COQ7: variants seen among roughly 807,000 people sequenced by gnomAD.
The protein encoded by COQ7 is NADPH-dependent 3-demethoxyubiquinone 3-hydroxylase, mitochondrial.
A neutral mutation model predicts 25.0 loss-of-function variants in COQ7; 21 were observed. The ratio of observed to expected loss-of-function variants is 0.84; its 90% CI spans 0.60 to 1.21. COQ7 has a LOEUF of 1.21. Among genes scored for constraint, COQ7 ranks in the 50% most tolerant of loss-of-function variants. The pLI is 0.00. For missense variants in COQ7, 311 were observed against 296.2 expected, an observed-to-expected ratio of 1.05 and a Z score of -0.37; for synonymous variants, 125 against 112.4, an observed-to-expected ratio of 1.11 and a Z score of -0.71.
chr16:19,077,729 G>A (rs1323321396), intron 5 of COQ7, among the ~76,000 whole-genome samples: 1 of 151,654 alleles, frequency 6.6e-6, no homozygotes, highest in African/African-American at 2.4e-5. Context: ...GGGATGACAG[G>A]TGCATGCCAC....
chr16:19,081,192 G>C (rs1000420881), downstream of COQ7, among the ~76,000 whole-genome samples: 12 of 152,192 alleles, frequency 7.9e-5, no homozygotes, highest in African/African-American at 2.7e-4. Flanking sequence ...AAAATTTGGA[G>C]TGTATTTGTT....
chr16:19,068,638 C>G (rs1336147771), intron 1 of COQ7: 1 of 250,512 alleles, frequency 4.0e-6, no homozygotes, highest in Non-Finnish European at 7.7e-6. Flanking sequence ...GGCGTCAGAG[C>G]GAGACTTTGT....
At chr16:19,069,786 C>CT (rs1567539135) in intron 1 of COQ7, among the ~76,000 whole-genome samples, 1 of 151,092 alleles carries the variant, frequency 6.6e-6, no homozygotes, top group African/African-American at 2.4e-5. Flanking sequence ...TTTTATGCTT[C>CT]TTTTTTTCTT....
chr16:19,069,999 G>C (rs921607455), intron 1 of COQ7, among the ~76,000 whole-genome samples: 4 of 151,838 alleles, frequency 2.6e-5, no homozygotes, highest in African/African-American at 9.7e-5. Context: ...GGCCAGGCTG[G>C]TCTTGAACTC....
Position 19,067,967 on chromosome 16 carries a change from G to A in COQ7, c.73+230G>A, listed in dbSNP as rs944518153. 13 of 1,419,924 alleles carry A rather than the reference G, an allele frequency of 9.2e-6. No individual in the cohort carries two copies. In the African/African-American group the frequency reaches 1.9e-4, roughly 21 times the overall value. The allele number at this position is 1,419,924 out of a possible 1,614,324, so 88.0% of individuals were successfully genotyped here. ...GGGTTGTTTCGGCAGTGACGCCTGG[G>A]GAGTGACGCAATTGCACCCCTGTGC... is the stretch of plus-strand genomic sequence containing the variant. On this transcript the variant is annotated intron_variant, in intron 1 of 5. Transcript: ENST00000321998.
rs763059042 is a variant in COQ7, at chr16:19,067,681, C to T, written c.17C>T (p.Ala6Val). Residue 6 changes from alanine (A) to valine (V), a missense_variant, in exon 1 of 6, where the codon GCG becomes GTG. Ala to Val is a moderately conservative substitution (Grantham distance 64). Transcript: ENST00000321998. ...GTTCCGGCAATGAGTTGCGCCGGGG[C>T]GGCGGCGGCTCCCCGCCTTTGGCGG... MSCAG[A>V]AAAPRLWRLR... 8 of 1,610,350 alleles carry T rather than the reference C, an allele frequency of 5.0e-6. No homozygotes were observed. Among genetic ancestry groups the T allele is most frequent in the Admixed American group, 1.7e-5 (1 of 59,512 alleles).
intron 1 of COQ7, among the ~76,000 whole-genome samples, chr16:19,071,075 A>G (rs545450863): frequency 4.6e-5 from 7 of 152,294 alleles, no homozygotes; most frequent in South Asian, 2.1e-4. Context: ...CTCCAAGGCT[A>G]GTCTCAAAAT....
Position 19,073,990 on chromosome 16 carries a change from C to A in COQ7, c.322C>A (p.Pro108Thr), listed in dbSNP as rs1962700540. 1 of 1,613,402 alleles carries A rather than the reference C, an allele frequency of 6.2e-7. No individual in the cohort carries two copies. The highest frequency in any genetic ancestry group is 1.1e-5 in the South Asian group (1 of 91,032). ...NELMVTFRVR[P>T]TVLMPLWNVL... ...GTTGATGGTTACGTTCAGGGTCCGG[C>A]CAACAGTTCTGATGCCCTTGTGGAA... The change falls in exon 3 of 6, where the codon CCA (proline) becomes ACA (threonine). Residue 108 changes from proline to threonine, a missense_variant. Physicochemically the swap from Pro to Thr is conservative, Grantham distance 38. Coordinates refer to ENST00000321998, the MANE Select transcript of COQ7 (RefSeq NM_016138.5).
At position 19,073,977 on chromosome 16, in the gene COQ7, G is replaced by T; in HGVS notation, c.309G>T (p.Thr103=). The T allele has an allele frequency of 6.2e-7, 1 of 1,613,820 alleles. No homozygotes were observed. Among genetic ancestry groups the T allele is most frequent in the Non-Finnish European group, 8.5e-7 (1 of 1,179,970 alleles). The change falls in exon 3 of 6, where the codon ACG becomes ACT. Residue 103 remains threonine (T), a synonymous_variant. Transcript: ENST00000321998. Reference sequence around the variant, plus strand: ...AAAAGTTCAATGAGTTGATGGTTACGTTCAGGGTCCGGCCAACAGTTCTGA... The same window carrying T: ...AAAAGTTCAATGAGTTGATGGTTACTTTCAGGGTCCGGCCAACAGTTCTGA... The part of the protein sequence containing the change: ...HLKKFNELMV[T]FRVRPTVLMP...
chr16:19,077,190 G>C, intron 4 of COQ7, 116 bp from the exon 5 acceptor site: 1 of 833,058 alleles, frequency 1.2e-6, no homozygotes, highest in South Asian at 1.5e-5. Flanking sequence ...GCCCTTTAGA[G>C]GAAAAGCTGG....
At chr16:19,075,306 G>A (rs979974874) in intron 3 of COQ7, among the ~76,000 whole-genome samples, 11 of 150,644 alleles carry the variant, frequency 7.3e-5, no homozygotes, top group East Asian at 2.0e-4. Context: ...GGCTTCAAGC[G>A]ATTTTCCTGC....
intron 1 of COQ7, 143 bp downstream of exon 1, chr16:19,067,880 C>G: frequency 6.7e-7 from 1 of 1,494,822 alleles, no homozygotes; most frequent in Non-Finnish European, 8.8e-7. Flanking sequence ...TGACTTCGGC[C>G]TCCGGGGCGC....
At chr16:19,073,353 T>G (rs1962665034) in intron 2 of COQ7, among the ~76,000 whole-genome samples, 1 of 151,220 alleles carries the variant, frequency 6.6e-6, no homozygotes, top group Admixed American at 6.6e-5. Context: ...ATTAGCCAGG[T>G]GTAGTGGCAT....
chr16:19,074,820 C>T (rs1026128245), intron 3 of COQ7, among the ~76,000 whole-genome samples: 1 of 152,074 alleles, frequency 6.6e-6, no homozygotes, highest in African/African-American at 2.4e-5. Flanking sequence ...GCTAGGATTA[C>T]AGGCGTGAGG....
intron 5 of COQ7, among the ~76,000 whole-genome samples, chr16:19,077,603 T>TTTTTTTTTTTTTTTC: frequency 7.0e-6 from 1 of 142,334 alleles, no homozygotes; most frequent in Non-Finnish European, 1.5e-5. Context: ...TTTTTTTTTT[T>TTTTTTTTTTTTTTTC]TCCCAGACAC....
chr16:19,067,822 G>A (rs1249242561), intron 1 of COQ7, 85 bp downstream of exon 1: 9 of 1,538,502 alleles, frequency 5.8e-6, no homozygotes, highest in Non-Finnish European at 7.8e-6. Flanking sequence ...AAGAGGTCAC[G>A]GGGGAGAGGT....
intron 1 of COQ7, chr16:19,068,023 C>G: frequency 7.7e-7 from 1 of 1,306,194 alleles, no homozygotes; most frequent in East Asian, 3.4e-5. Context: ...GGCCAGCGTT[C>G]CGAGTCGAGG....
chr16:19,072,211 A>G (rs1962599799), intron 2 of COQ7, 105 bp downstream of exon 2: 2 of 1,389,484 alleles, frequency 1.4e-6, no homozygotes, highest in East Asian at 2.3e-5. Context: ...GGGAGATGCC[A>G]TTGTCTCCAG....
intron 2 of COQ7, among the ~76,000 whole-genome samples, chr16:19,073,413 G>C (rs892993050): frequency 2.6e-5 from 4 of 152,220 alleles, no homozygotes; most frequent in Non-Finnish European, 5.9e-5. Context: ...AGGATCGCTT[G>C]ATCCTGGAGG....
Sources: gnomAD v4.1 joint callset for allele counts (sites outside exome capture counted in the v4.1 genomes callset) on GRCh38, gnomAD v4.1.1 for gene constraint, MANE v1.5 for transcripts, NCBI Gene and HGNC (gene_info 2026-07-23, HGNC 2026-07-21) for gene names.